Variants in DAB1 observed in about 807,000 individuals in gnomAD.
The protein encoded by DAB1 is DAB adaptor protein 1, also known as disabled homolog 1.
In DAB1, 15 loss-of-function variants were observed where a neutral mutation model predicts 64.6. The ratio of observed to expected loss-of-function variants is 0.23; its 90% CI spans 0.16 to 0.36. DAB1 has a LOEUF of 0.36. Ranked by LOEUF, DAB1 falls within the 10% of genes least tolerant of loss-of-function variation. The pLI is 1.00. For missense variants in DAB1, 596 were observed against 706.7 expected, an observed-to-expected ratio of 0.84 and a Z score of 1.78; for synonymous variants, 235 against 251.9, an observed-to-expected ratio of 0.93 and a Z score of 0.64.
chr1:57,043,880 T>C (rs1192885450), intron 9 of DAB1, among the ~76,000 whole-genome samples: 1 of 151,970 alleles, frequency 6.6e-6, no homozygotes, highest in Admixed American at 6.6e-5. Context: ...AGGTCTCTTA[T>C]TGCACTTGGA....
intron 1 of DAB1, among the ~76,000 whole-genome samples, chr1:57,843,949 C>T (rs1653163864): frequency 1.3e-5 from 2 of 152,214 alleles, no homozygotes; most frequent in African/African-American, 2.4e-5. Context: ...TCTGGAAGTT[C>T]TCTAGCCTAA....
At chr1:57,146,379 C>G (rs548718932) in intron 2 of DAB1, among the ~76,000 whole-genome samples, 1 of 152,188 alleles carries the variant, frequency 6.6e-6, no homozygotes, top group Admixed American at 6.5e-5. Flanking sequence ...TTCTTAAAAC[C>G]TGGAGTGTCC....
intron 4 of DAB1, among the ~76,000 whole-genome samples, chr1:57,134,381 T>A (rs1163051741): frequency 6.6e-6 from 1 of 151,722 alleles, no homozygotes; most frequent in Non-Finnish European, 1.5e-5. Context: ...AGGTCAGGAG[T>A]TCGAGACCAG....
chr1:57,979,635 T>A (rs1646013430), intron 5 of DAB1, among the ~76,000 whole-genome samples: 1 of 152,272 alleles, frequency 6.6e-6, no homozygotes, highest in African/African-American at 2.4e-5. Context: ...TCCTCCAGCA[T>A]GCCTTGACAG....
chr1:57,576,733 C>T (rs1645253913), intron 7 of DAB1, among the ~76,000 whole-genome samples: 1 of 152,172 alleles, frequency 6.6e-6, no homozygotes, highest in African/African-American at 2.4e-5. Context: ...GTGATATATA[C>T]TGCCTACAGC....
chr1:57,226,672 A>AAAATAAATATATATAT (rs747021990), intron 2 of DAB1, among the ~76,000 whole-genome samples: 6 of 136,014 alleles, frequency 4.4e-5, no homozygotes, highest in African/African-American at 1.9e-4. Context: ...TTAAAAAAAA[A>AAAATAAATATATATAT]ATATATATAT....
chr1:57,034,771 T>TG (rs1433995179), intron 9 of DAB1, among the ~76,000 whole-genome samples: 3 of 152,206 alleles, frequency 2.0e-5, no homozygotes, highest in Non-Finnish European at 4.4e-5. Context: ...TTATTACGCA[T>TG]GAATAGTTTT....
chr1:57,406,965 T>TACAGA (rs1268103495), intron 1 of DAB1, among the ~76,000 whole-genome samples: 1 of 152,264 alleles, frequency 6.6e-6, no homozygotes, highest in Non-Finnish European at 1.5e-5. Flanking sequence ...TATTTTTACC[T>TACAGA]ACAGAACATA....
intron 1 of DAB1, among the ~76,000 whole-genome samples, chr1:57,370,120 A>G (rs1454859941): frequency 6.6e-6 from 1 of 152,060 alleles, no homozygotes; most frequent in Non-Finnish European, 1.5e-5. Flanking sequence ...CTTATTTCTA[A>G]TGCTGTACTC....
intron 5 of DAB1, among the ~76,000 whole-genome samples, chr1:57,904,855 A>T (rs978282368): frequency 5.3e-5 from 8 of 152,142 alleles, no homozygotes; most frequent in African/African-American, 1.9e-4. Flanking sequence ...AGCCATCGTA[A>T]TCTGTTAGAA....
At chr1:57,773,263 A>G (rs1649641542) in intron 6 of DAB1, among the ~76,000 whole-genome samples, 1 of 151,974 alleles carries the variant, frequency 6.6e-6, no homozygotes, top group South Asian at 2.1e-4. Flanking sequence ...ATGTGTGTAT[A>G]TATATATGTG....
At chr1:57,776,271 T>C (rs111689298) in intron 6 of DAB1, among the ~76,000 whole-genome samples, 1 of 139,178 alleles carries the variant, frequency 7.2e-6, no homozygotes, top group Non-Finnish European at 1.6e-5. Flanking sequence ...CCCATAAATA[T>C]AGTGCAAATA....
chr1:57,477,100 T>A (rs75302105), intron 7 of DAB1, among the ~76,000 whole-genome samples: 2,538 of 152,332 alleles, frequency 0.017, 32 homozygotes, highest in Non-Finnish European at 0.029. Flanking sequence ...AGAAACTGTG[T>A]CCTGGACACT....
At chr1:58,496,660 A>T (rs1645808017) in intron 3 of DAB1, among the ~76,000 whole-genome samples, 2 of 152,192 alleles carry the variant, frequency 1.3e-5, no homozygotes, top group African/African-American at 4.8e-5. Context: ...AAATAAGATT[A>T]TCCTCATTTT....
intron 2 of DAB1, among the ~76,000 whole-genome samples, chr1:57,286,641 T>C (rs1468883194): frequency 6.6e-6 from 1 of 152,204 alleles, no homozygotes; most frequent in African/African-American, 2.4e-5. Context: ...TTTCCAGAAA[T>C]AGTCCTCAAT....
intron 5 of DAB1, among the ~76,000 whole-genome samples, chr1:58,097,738 T>C (rs983093761): frequency 6.6e-6 from 1 of 152,152 alleles, no homozygotes; most frequent in African/African-American, 2.4e-5. Context: ...GTTAAAGAAG[T>C]GACTAGTGTC....
At chr1:58,315,954 A>G (rs1173586458) in intron 4 of DAB1, among the ~76,000 whole-genome samples, 1 of 152,188 alleles carries the variant, frequency 6.6e-6, no homozygotes, top group Non-Finnish European at 1.5e-5. Context: ...TTCAATGAAA[A>G]CAATCAGTCA....
intron 4 of DAB1, among the ~76,000 whole-genome samples, chr1:58,222,304 T>C (rs1439196328): frequency 6.6e-6 from 1 of 152,172 alleles, no homozygotes; most frequent in Non-Finnish European, 1.5e-5. Context: ...CTGGGTAATT[T>C]TTACATGACT....
At chr1:57,021,006 A>G (rs1296079986) in intron 11 of DAB1, among the ~76,000 whole-genome samples, 2 of 152,216 alleles carry the variant, frequency 1.3e-5, no homozygotes, top group Non-Finnish European at 2.9e-5. Flanking sequence ...CTGGACAATT[A>G]GTCACAAGGA....
Sources: allele counts gnomAD v4.1 joint callset (sites outside exome capture counted in the v4.1 genomes callset), GRCh38; gene constraint gnomAD v4.1.1; transcripts MANE v1.5; gene names NCBI Gene and HGNC (gene_info 2026-07-23, HGNC 2026-07-21).